The following ZNF600 variants were observed in gnomAD, a reference collection of about 807,000 sequenced individuals.
The protein encoded by ZNF600 is zinc finger protein 600, also known as zinc finger protein KR-ZNF1.
A neutral mutation model predicts 7.3 loss-of-function variants in ZNF600; 4 were observed. That is an observed-to-expected ratio of 0.55 (90% CI 0.27 to 1.25). The LOEUF is 1.25. Ranked by LOEUF, ZNF600 falls within the 50% of genes most tolerant of loss-of-function variation. The pLI is 0.12. For synonymous variants in ZNF600, 290 were observed against 308.9 expected (o/e 0.94, Z 0.64); for missense variants, 911 against 922.1 (o/e 0.99, Z 0.16).
the ZNF600 span, chr19:52,801,055 A>C: frequency 2.5e-6 from 4 of 1,614,016 alleles, no homozygotes; most frequent in Non-Finnish European, 3.4e-6. Context: ...TCAATGTGAG[A>C]TCTACGATGG....
chr19:52,816,794 G>T, the ZNF600 span, among the ~76,000 whole-genome samples: 1 of 151,428 alleles, frequency 6.6e-6, no homozygotes, highest in African/African-American at 2.4e-5. Flanking sequence ...TCATGCCACT[G>T]CACTGCAGCC....
chr19:52,772,856 G>A lies in ZNF600; in HGVS notation c.190+1719C>T, dbSNP rs562999763. 1.6e-3 allele frequency among the ~76,000 whole-genome samples: 213 copies of A among 130,164 alleles called. 1 individual carries two copies. The highest frequency in any genetic ancestry group is 9.6e-3 in the African/African-American group (207 of 21,608). The allele number at this position is 130,164 out of a possible 152,430, so 85.4% of individuals were successfully genotyped here. A position where few individuals can be genotyped will look rare whatever the true frequency, so the allele number is the denominator to read the frequency against. ...AGAACAGATAGAAGTACATCAAGGGGGATACAAGGACTGAGCTGGGACACA... is the reference window on the plus strand; with the variant it reads ...AGAACAGATAGAAGTACATCAAGGGAGATACAAGGACTGAGCTGGGACACA... On this transcript the variant is annotated intron_variant, in intron 3 of 3. Transcript: ENST00000648973.
At chr19:52,800,695 C>T in the ZNF600 span, 1 of 1,611,062 alleles carries the variant, frequency 6.2e-7, no homozygotes. Flanking sequence ...TCTTCACATT[C>T]ATAAGGTTTC....
intron 1 of ZNF600, among the ~76,000 whole-genome samples, chr19:52,782,380 G>A (rs377028218): frequency 1.1e-4 from 17 of 149,078 alleles, no homozygotes; most frequent in Non-Finnish European, 1.9e-4. Flanking sequence ...AAAATTAGCC[G>A]GCCATGGTGG....
Position 52,774,562 on chromosome 19 carries a change from T to C in ZNF600, c.190+13A>G, listed in dbSNP as rs1425230945. ...GCAGACTCCTCATGTCTGGGGGACA[T>C]CATTTTCCTCACCCACAGCTTCCAG... On this transcript the variant is annotated intron_variant, in intron 3 of 3. Coordinates refer to ENST00000648973, the Ensembl canonical transcript of ZNF600. 8.1e-6 allele frequency: 8 copies of C among 983,110 alleles called. No individual in the cohort carries two copies. Among genetic ancestry groups the C allele is most frequent in the Non-Finnish European group, 9.6e-6 (8 of 829,670 alleles). 60.9% of individuals were successfully genotyped at this position (983,110 alleles called of 1,614,324 possible).
chr19:52,815,089 G>GTA, the ZNF600 span, among the ~76,000 whole-genome samples: 7 of 92,754 alleles, frequency 7.5e-5, 1 homozygote, highest in Middle Eastern at 5.7e-3. Flanking sequence ...GTATGTGTGT[G>GTA]TATATATATA....
At chr19:52,828,692 T>TA in the ZNF600 span, among the ~76,000 whole-genome samples, 8 of 151,988 alleles carry the variant, frequency 5.3e-5, no homozygotes, top group Non-Finnish European at 8.8e-5. Context: ...ACAAAAACAT[T>TA]AAAAAAATGA....
the ZNF600 span, among the ~76,000 whole-genome samples, chr19:52,819,496 AC>A: frequency 1.8e-5 from 1 of 55,620 alleles, no homozygotes; most frequent in Non-Finnish European, 4.8e-5. Context: ...CCAGACACCC[AC>A]TCTATTTTGC....
chr19:52,822,334 A>G, the ZNF600 span, among the ~76,000 whole-genome samples: 1 of 151,962 alleles, frequency 6.6e-6, no homozygotes, highest in South Asian at 2.1e-4. Flanking sequence ...GGCCTCCCCA[A>G]GTGCTGGGAT....
the ZNF600 span, among the ~76,000 whole-genome samples, chr19:52,829,175 TTTTTC>T: frequency 7.2e-6 from 1 of 138,292 alleles, no homozygotes; most frequent in Non-Finnish European, 1.6e-5. Context: ...TATTTTTATT[TTTTTC>T]TTTTTTTATT....
rs144071156 is a variant in ZNF600 at position 52,777,836 on chromosome 19, G to A, written c.63+990C>T. ...TGAGCGAGACTCCATCTTAAAATAA[G>A]TAAATAAATAGATAGAGAGATACAT... On this transcript the variant is annotated intron_variant, in intron 2 of 3. Coordinates refer to ENST00000648973, the Ensembl canonical transcript of ZNF600. Among the ~76,000 whole-genome samples, 35 of 152,128 alleles carry A rather than the reference G, an allele frequency of 2.3e-4. No individual in the cohort carries two copies. In the East Asian group the frequency reaches 6.6e-3, roughly 29 times the overall value.
chr19:52,800,689 C>T, the ZNF600 span: 1 of 1,613,774 alleles, frequency 6.2e-7, no homozygotes, highest in Non-Finnish European at 8.5e-7. Flanking sequence ...TCACATTCTT[C>T]ACATTCATAA....
the ZNF600 span, among the ~76,000 whole-genome samples, chr19:52,812,478 G>T: frequency 1.6e-5 from 2 of 122,712 alleles, no homozygotes; most frequent in Non-Finnish European, 3.3e-5. Context: ...CCAACCCTGT[G>T]CTCTCTGAAA....
At chr19:52,818,921 A>C in the ZNF600 span, among the ~76,000 whole-genome samples, 1 of 136,358 alleles carries the variant, frequency 7.3e-6, no homozygotes, top group East Asian at 2.1e-4. Flanking sequence ...TTCTGATGGG[A>C]CTGACACAGA....
At chr19:52,786,510 C>T (rs2062764810) in intron 1 of ZNF600, 85 bp downstream of exon 1, 1 of 158,724 alleles carries the variant, frequency 6.3e-6, no homozygotes, top group Middle Eastern at 3.3e-3. Context: ...GAAGTGTATA[C>T]ATTGCCCTAT....
At chr19:52,823,404 C>T in the ZNF600 span, among the ~76,000 whole-genome samples, 2 of 152,006 alleles carry the variant, frequency 1.3e-5, no homozygotes, top group Non-Finnish European at 2.9e-5. Context: ...TCAGTAGACA[C>T]GGGGTTTCAC....
the ZNF600 span, among the ~76,000 whole-genome samples, chr19:52,811,264 TG>T: frequency 6.6e-6 from 1 of 151,626 alleles, no homozygotes; most frequent in Non-Finnish European, 1.5e-5. Flanking sequence ...CCCAGCCGCC[TG>T]CCTTGGCCTC....
At chr19:52,810,966 T>C in the ZNF600 span, among the ~76,000 whole-genome samples, 2 of 132,572 alleles carry the variant, frequency 1.5e-5, no homozygotes, top group East Asian at 5.4e-4. Context: ...ACTGCTGCCA[T>C]CTCGGCTCAC....
the ZNF600 span, among the ~76,000 whole-genome samples, chr19:52,795,802 G>A: frequency 6.6e-6 from 1 of 151,664 alleles, no homozygotes; most frequent in South Asian, 2.1e-4. Context: ...CTTGCCTCTG[G>A]TGATCCGCCT....
Sources: gnomAD v4.1 joint callset for allele counts (sites outside exome capture counted in the v4.1 genomes callset) on GRCh38, gnomAD v4.1.1 for gene constraint, MANE v1.5 for transcripts, NCBI Gene and HGNC (gene_info 2026-07-23, HGNC 2026-07-21) for gene names.